TSPAN11: variants seen among roughly 807,000 people sequenced by gnomAD.
TSPAN11 encodes the protein tetraspanin 11, also known as tetraspanin-11.
In TSPAN11, 29 loss-of-function variants were observed where a neutral mutation model predicts 32.9. That is an observed-to-expected ratio of 0.88 (90% confidence interval 0.66 to 1.20). TSPAN11 has a LOEUF of 1.20. TSPAN11 is among the 50% of genes most tolerant of loss of function. The pLI, the probability that TSPAN11 is intolerant of heterozygous loss-of-function variation, is 0.00. For synonymous variants in TSPAN11, 140 were observed against 141.3 expected, an observed-to-expected ratio of 0.99 and a Z score of 0.07; for missense variants, 283 against 329.1, an observed-to-expected ratio of 0.86 and a Z score of 1.08.
chr12:30,987,161 G>C (rs1355959648), intron 7 of TSPAN11, among the ~76,000 whole-genome samples: 1 of 152,200 alleles, frequency 6.6e-6, no homozygotes, highest in Non-Finnish European at 1.5e-5. Flanking sequence ...TTACATGATA[G>C]GGTGCTGCCC....
intron 3 of TSPAN11, among the ~76,000 whole-genome samples, chr12:30,974,676 G>T (rs1185830059): frequency 1.3e-5 from 2 of 152,236 alleles, no homozygotes; most frequent in Non-Finnish European, 2.9e-5. Flanking sequence ...AGCAACCTCA[G>T]ATGTGGTCCC....
At chr12:30,940,241 G>T (rs1410451911) in intron 1 of TSPAN11, among the ~76,000 whole-genome samples, 5 of 152,164 alleles carry the variant, frequency 3.3e-5, no homozygotes, top group Non-Finnish European at 5.9e-5. Context: ...GCCTGAGTGG[G>T]ATGAGAAATA....
chr12:30,998,692 C>T (rs1592504388), downstream of TSPAN11, among the ~76,000 whole-genome samples: 2 of 152,270 alleles, frequency 1.3e-5, no homozygotes, highest in East Asian at 3.9e-4. Flanking sequence ...GCAGTAAGGA[C>T]ATAACAACGT....
At chr12:31,006,137 A>C in the TSPAN11 span, 1 of 152,412 alleles carries the variant, frequency 6.6e-6, no homozygotes, top group Non-Finnish European at 1.5e-5. Flanking sequence ...AGCTGGTGGC[A>C]TTCAGGAAAA....
intron 1 of TSPAN11, among the ~76,000 whole-genome samples, chr12:30,942,409 C>T (rs1391538097): frequency 6.6e-6 from 1 of 152,170 alleles, no homozygotes; most frequent in African/African-American, 2.4e-5. Flanking sequence ...GTACTCACAC[C>T]CAGATCTTCA....
chr12:30,991,156 A>G (rs1939304911), intron 7 of TSPAN11, among the ~76,000 whole-genome samples: 1 of 152,234 alleles, frequency 6.6e-6, no homozygotes, highest in Non-Finnish European at 1.5e-5. Flanking sequence ...GGATACCGAC[A>G]GAAGGGCTGG....
intron 1 of TSPAN11, among the ~76,000 whole-genome samples, chr12:30,948,506 C>T (rs1938315260): frequency 6.6e-6 from 1 of 152,252 alleles, no homozygotes; most frequent in Admixed American, 6.5e-5. Context: ...AGGCCCAACA[C>T]CACGTGGAAG....
intron 1 of TSPAN11, among the ~76,000 whole-genome samples, chr12:30,949,966 C>T (rs1938348903): frequency 6.6e-6 from 1 of 152,078 alleles, no homozygotes; most frequent in South Asian, 2.1e-4. Context: ...TTGCTTCTTC[C>T]TCCAGTGGCT....
At chr12:30,957,234 C>A (rs890565469) in intron 2 of TSPAN11, among the ~76,000 whole-genome samples, 2 of 145,524 alleles carry the variant, frequency 1.4e-5, no homozygotes, top group African/African-American at 2.5e-5. Flanking sequence ...TGGGACCCCC[C>A]CCCCCCCCAC....
intron 1 of TSPAN11, among the ~76,000 whole-genome samples, chr12:30,936,078 TCTAAGTCTCATTCCCTGGATCAGAAAATC>T (rs1938039112): frequency 6.6e-6 from 1 of 152,242 alleles, no homozygotes; most frequent in Non-Finnish European, 1.5e-5. Flanking sequence ...GGTGGGTGAC[TCTAAGTCTCATTCCCTGGATCAGAAAATC>T]CAGTGGTTCC....
At chr12:30,960,333 C>T (rs1938587076) in intron 2 of TSPAN11, among the ~76,000 whole-genome samples, 1 of 151,936 alleles carries the variant, frequency 6.6e-6, no homozygotes, top group South Asian at 2.1e-4. Flanking sequence ...TGTGCATTTC[C>T]CGCATCCTGA....
chr12:30,931,898 A>AAAAAAAAAG (rs1937940485), intron 1 of TSPAN11, among the ~76,000 whole-genome samples: 1 of 150,748 alleles, frequency 6.6e-6, no homozygotes, highest in Admixed American at 6.6e-5. Flanking sequence ...AAAAAAAAAA[A>AAAAAAAAAG]AGAGTCCTCA....
chr12:30,971,561 G>A (rs1206557548), intron 3 of TSPAN11, among the ~76,000 whole-genome samples: 1 of 152,046 alleles, frequency 6.6e-6, no homozygotes, highest in Non-Finnish European at 1.5e-5. Context: ...GCGATATGGT[G>A]AGACCCTATC....
the TSPAN11 span, among the ~76,000 whole-genome samples, chr12:31,013,316 G>A: frequency 1.3e-5 from 2 of 152,138 alleles, no homozygotes; most frequent in South Asian, 4.1e-4. Context: ...AGTCCAGGTA[G>A]GGAGCAGTGG....
intron 7 of TSPAN11, 145 bp from the exon 8 acceptor site, chr12:30,991,711 C>T (rs1939315048): frequency 1.3e-6 from 1 of 793,938 alleles, no homozygotes; most frequent in Non-Finnish European, 2.1e-6. Flanking sequence ...CCCACCCTGA[C>T]ATTTTGAGCA....
At position 30,976,898 on chromosome 12, in the gene TSPAN11, G is replaced by A. The variant is rs557034630; in HGVS notation, c.277-1663G>A. Among the ~76,000 whole-genome samples the A allele has an allele frequency of 3.9e-5, 6 of 152,330 alleles. No individual in the cohort carries two copies. In the East Asian group the frequency reaches 9.7e-4, roughly 25 times the overall value. ...TGGGGGAGGGGCACACAGAGCTGGA[G>A]GTTTTTCCTGATGCAGCGAAGAGCC... On this transcript the variant is annotated intron_variant, in intron 3 of 7. Transcript: ENST00000546076.
chr12:30,971,100 G>A (rs896718423), intron 3 of TSPAN11, among the ~76,000 whole-genome samples: 3 of 152,062 alleles, frequency 2.0e-5, no homozygotes, highest in Non-Finnish European at 4.4e-5. Flanking sequence ...GTTTTCTTTG[G>A]CTGTTGATGC....
At chr12:30,943,312 T>A (rs1225524760) in intron 1 of TSPAN11, among the ~76,000 whole-genome samples, 2 of 152,190 alleles carry the variant, frequency 1.3e-5, no homozygotes, top group Non-Finnish European at 2.9e-5. Flanking sequence ...TGGGTCTCAC[T>A]TACTGGGTCT....
intron 3 of TSPAN11, among the ~76,000 whole-genome samples, chr12:30,976,605 C>T (rs1447361562): frequency 6.6e-6 from 1 of 152,186 alleles, no homozygotes; most frequent in Non-Finnish European, 1.5e-5. Flanking sequence ...TCCTGAGGCC[C>T]CCTTCAACCA....
Sources: allele counts gnomAD v4.1 joint callset (sites outside exome capture counted in the v4.1 genomes callset), GRCh38; gene constraint gnomAD v4.1.1; transcripts MANE v1.5; gene names NCBI Gene and HGNC (gene_info 2026-07-23, HGNC 2026-07-21).